GALNT17: variants seen among roughly 807,000 people sequenced by gnomAD.
The protein encoded by GALNT17 is polypeptide N-acetylgalactosaminyltransferase 17, also known as UDP-GalNAc:polypeptide N-acetylgalactosaminyltransferase-like 3.
In GALNT17, 29 loss-of-function variants were observed where a neutral mutation model predicts 63.7. The ratio of observed to expected loss-of-function variants is 0.46; its 90% CI spans 0.34 to 0.62. The LOEUF (loss-of-function observed/expected upper bound fraction) is 0.62, where lower values mean the gene tolerates loss of function less well. Ranked by LOEUF, GALNT17 falls within the 20% of genes least tolerant of loss-of-function variation. The pLI is 0.01. For synonymous variants in GALNT17, 305 were observed against 318.3 expected (o/e 0.96, Z 0.45); for missense variants, 603 against 799.6 (o/e 0.75, Z 2.97).
intron 6 of GALNT17, among the ~76,000 whole-genome samples, chr7:71,650,950 T>G (rs546688543): frequency 6.6e-6 from 1 of 152,170 alleles, no homozygotes; most frequent in South Asian, 2.1e-4. Context: ...AGCTTGGAGC[T>G]CTTAGTAAAC....
At chr7:71,654,170 C>T (rs1790793480) in intron 6 of GALNT17, among the ~76,000 whole-genome samples, 1 of 152,116 alleles carries the variant, frequency 6.6e-6, no homozygotes, top group Admixed American at 6.6e-5. Context: ...CACCTGCCAC[C>T]ACGCCCAGCT....
At chr7:71,672,020 T>C (rs1316174602) in intron 8 of GALNT17, among the ~76,000 whole-genome samples, 3 of 78,704 alleles carry the variant, frequency 3.8e-5, no homozygotes, top group African/African-American at 1.4e-4. Context: ...AGAGTGAGAC[T>C]CTGTCTCAAA....
At chr7:71,418,829 G>C (rs1428811467) in intron 4 of GALNT17, among the ~76,000 whole-genome samples, 1 of 152,218 alleles carries the variant, frequency 6.6e-6, no homozygotes, top group Non-Finnish European at 1.5e-5. Flanking sequence ...GGGACCAGGC[G>C]TGGTGGCTTA....
intron 5 of GALNT17, among the ~76,000 whole-genome samples, chr7:71,558,353 C>T (rs1012505065): frequency 4.6e-5 from 7 of 151,584 alleles, no homozygotes; most frequent in African/African-American, 7.3e-5. Context: ...CTAATGAGAA[C>T]ATTTGAATTT....
At position 71,620,005 on chromosome 7, in the gene GALNT17, T is replaced by C. The variant is rs938891608; in HGVS notation, c.1081-45406T>C. Among the ~76,000 whole-genome samples, 9 of 152,204 alleles carry C rather than the reference T, an allele frequency of 5.9e-5. No individual in the cohort carries two copies. The East Asian group carries it at 1.7e-3, about 29-fold the overall frequency. On this transcript the variant is annotated intron_variant, in intron 6 of 10. Transcript: ENST00000333538. The stretch of plus-strand genomic sequence containing the variant: ...CGAGGGTGTTTATCATGAAGGGATG[T>C]TGGATTTTATTGAAAACCTTTTCTC...
intron 6 of GALNT17, among the ~76,000 whole-genome samples, chr7:71,601,947 T>G (rs1035837174): frequency 6.6e-6 from 1 of 152,212 alleles, no homozygotes; most frequent in African/African-American, 2.4e-5. Flanking sequence ...TGTGCGGATC[T>G]TCCCTCTCCT....
rs575080136 is a variant in GALNT17, at chr7:71,300,184, T to G, written c.239-35366T>G. Reference sequence around the variant, plus strand: ...TGACTGCCATGTTCAATAAAACTTTTGTGGGAGATGATTTAAATTGCTTTG... The same window carrying G: ...TGACTGCCATGTTCAATAAAACTTTGGTGGGAGATGATTTAAATTGCTTTG... On this transcript the variant is annotated intron_variant, in intron 1 of 10. Transcript: ENST00000333538. The G allele has an allele frequency of 2.5e-5, 7 of 279,374 alleles. 1 individual carries two copies. The highest frequency in any genetic ancestry group is 2.2e-4 in the South Asian group (7 of 31,296). 17.3% of individuals were successfully genotyped at this position (279,374 alleles called of 1,614,324 possible). A position where few individuals can be genotyped will look rare whatever the true frequency, so the allele number is the denominator to read the frequency against.
intron 2 of GALNT17, among the ~76,000 whole-genome samples, chr7:71,385,620 C>T (rs1284243125): frequency 6.6e-6 from 1 of 152,180 alleles, no homozygotes; most frequent in Non-Finnish European, 1.5e-5. Context: ...GAGCCGGCTT[C>T]TGCTCACCCA....
intron 9 of GALNT17, among the ~76,000 whole-genome samples, chr7:71,693,287 C>CATATATATATATATATATATAT (rs1584142481): frequency 8.3e-6 from 1 of 120,546 alleles, no homozygotes; most frequent in East Asian, 6.7e-4. Context: ...CACACACACA[C>CATATATATATATATATATATAT]ACACACACAC....
intron 5 of GALNT17, among the ~76,000 whole-genome samples, chr7:71,431,597 A>C (rs1314800881): frequency 1.3e-5 from 2 of 152,132 alleles, no homozygotes; most frequent in East Asian, 3.8e-4. Flanking sequence ...CCTGGTAAGA[A>C]GTGGAGCTGG....
At chr7:71,347,153 T>C (rs1010433415) in intron 2 of GALNT17, among the ~76,000 whole-genome samples, 1 of 152,176 alleles carries the variant, frequency 6.6e-6, no homozygotes, top group Admixed American at 6.5e-5. Context: ...TGGGTGAATG[T>C]TCATCCCACT....
chr7:71,300,920 T>C (rs902058536), intron 1 of GALNT17: 3 of 152,912 alleles, frequency 2.0e-5, no homozygotes, highest in African/African-American at 7.2e-5. Context: ...TTCGGTAATG[T>C]ATCATCAACC....
At chr7:71,562,173 C>T (rs970630377) in intron 5 of GALNT17, among the ~76,000 whole-genome samples, 3 of 151,980 alleles carry the variant, frequency 2.0e-5, no homozygotes, top group East Asian at 1.9e-4. Flanking sequence ...CTATGCTGCC[C>T]GGTCTGTTCT....
rs1006581240 is a variant in GALNT17 at position 71,343,993 on chromosome 7, C to T, written c.422+8260C>T. ...TGATTTTTTGACTAAAGTCTCCAAT[C>T]TGCCAGGCACTGTGCCAGCAGTTTG... On this transcript the variant is annotated intron_variant, in intron 2 of 10. Coordinates refer to ENST00000333538, the MANE Select transcript of GALNT17 (RefSeq NM_022479.3). Among the ~76,000 whole-genome samples the T allele has an allele frequency of 5.3e-5, 8 of 152,054 alleles. No homozygotes were observed. In the East Asian group the frequency reaches 1.6e-3, roughly 30 times the overall value.
intron 6 of GALNT17, among the ~76,000 whole-genome samples, chr7:71,640,636 A>G (rs1310250004): frequency 6.6e-6 from 1 of 152,180 alleles, no homozygotes; most frequent in Non-Finnish European, 1.5e-5. Context: ...AAGGTGCTAA[A>G]GAAGCACATA....
chr7:71,666,152 T>C (rs1790982043), intron 7 of GALNT17, among the ~76,000 whole-genome samples: 1 of 152,048 alleles, frequency 6.6e-6, no homozygotes, highest in Admixed American at 6.6e-5. Flanking sequence ...CAGGAGATCT[T>C]GACCAAATCC....
chr7:71,465,978 G>T (rs1197934245), intron 5 of GALNT17, among the ~76,000 whole-genome samples: 1 of 152,102 alleles, frequency 6.6e-6, no homozygotes, highest in African/African-American at 2.4e-5. Context: ...GACTTTTAAA[G>T]GTGTCAGACT....
intron 5 of GALNT17, among the ~76,000 whole-genome samples, chr7:71,524,760 TG>T (rs1388068441): frequency 6.6e-6 from 1 of 152,190 alleles, no homozygotes; most frequent in Non-Finnish European, 1.5e-5. Context: ...ATTTTCTTAG[TG>T]TTTGCTTTTG....
At chr7:71,607,138 C>T (rs1302979248) in intron 6 of GALNT17, among the ~76,000 whole-genome samples, 1 of 152,032 alleles carries the variant, frequency 6.6e-6, no homozygotes, top group Non-Finnish European at 1.5e-5. Context: ...TATCGCTGCA[C>T]TCCAGCCTAG....
Sources: allele counts gnomAD v4.1 joint callset (sites outside exome capture counted in the v4.1 genomes callset), GRCh38; gene constraint gnomAD v4.1.1; transcripts MANE v1.5; gene names NCBI Gene and HGNC (gene_info 2026-07-23, HGNC 2026-07-21).